PDE12: variants seen among roughly 807,000 people sequenced by gnomAD.
PDE12 encodes 2',5'-phosphodiesterase 12.
PDE12 carries 26 observed loss-of-function variants against 45.4 expected under a neutral mutation model. That is an observed-to-expected ratio of 0.57 (90% CI 0.42 to 0.79). The LOEUF is 0.79. PDE12 is among the 30% of genes least tolerant of loss of function. The pLI is 0.00. For synonymous variants in PDE12, 283 were observed against 323.9 expected, an observed-to-expected ratio of 0.87 and a Z score of 1.36; for missense variants, 668 against 790.0, an observed-to-expected ratio of 0.85 and a Z score of 1.85.
At chr3:57,593,455 T>G in the PDE12 span, among the ~76,000 whole-genome samples, 1 of 152,126 alleles carries the variant, frequency 6.6e-6, no homozygotes, top group East Asian at 1.9e-4. Flanking sequence ...GTGACAAATA[T>G]AGGATCCTTT....
At position 57,559,778 on chromosome 3, in the gene PDE12, C is replaced by T; in HGVS notation, c.1604C>T (p.Thr535Ile). 1 of 1,614,194 alleles carries T rather than the reference C, an allele frequency of 6.2e-7. No individual in the cohort carries two copies. The highest frequency in any genetic ancestry group is 8.5e-7 in the Non-Finnish European group (1 of 1,180,040). Residue 535 changes from threonine (T) to isoleucine (I), a missense_variant, in exon 3 of 3, where the codon ACA becomes ATA. Around this residue, in one of 3 missense-constraint regions of PDE12, gnomAD observed 79 missense variants for 97.9 expected, o/e 0.81. Coordinates refer to ENST00000311180, the MANE Select transcript of PDE12 (RefSeq NM_177966.7). ...GAGGAAAGATGCAATATGTCTCTTA[C>T]ACATTTCTTCAAGCTGAAAAGTGCT... ...GEEERCNMSL[T>I]HFFKLKSACG... is the part of the protein sequence containing the mutation.
At chr3:57,595,360 C>G in the PDE12 span, among the ~76,000 whole-genome samples, 1 of 152,210 alleles carries the variant, frequency 6.6e-6, no homozygotes, top group African/African-American at 2.4e-5. Context: ...TCATTTATCA[C>G]AGTCCGAAGT....
the PDE12 span, among the ~76,000 whole-genome samples, chr3:57,637,993 G>T: frequency 3.3e-5 from 5 of 151,758 alleles, no homozygotes; most frequent in Non-Finnish European, 2.9e-5. Flanking sequence ...AATCAGCTGA[G>T]TGTGGTGGCG....
chr3:57,620,777 T>C, the PDE12 span, among the ~76,000 whole-genome samples: 1 of 152,282 alleles, frequency 6.6e-6, no homozygotes. Flanking sequence ...TGACAGAAGA[T>C]ATGAAAGACA....
the PDE12 span, among the ~76,000 whole-genome samples, chr3:57,593,204 CT>C: frequency 6.6e-6 from 1 of 151,932 alleles, no homozygotes; most frequent in African/African-American, 2.4e-5. Flanking sequence ...GAGCAAAACC[CT>C]GTCTCAAAAA....
the PDE12 span, among the ~76,000 whole-genome samples, chr3:57,603,236 C>T: frequency 9.2e-5 from 14 of 152,258 alleles, no homozygotes; most frequent in African/African-American, 3.1e-4. Context: ...GACTATTTAC[C>T]AGGTACCACT....
intron 1 of PDE12, 116 bp downstream of exon 1, chr3:57,557,803 G>A: frequency 1.1e-6 from 1 of 929,574 alleles, no homozygotes; most frequent in Non-Finnish European, 1.6e-6. Context: ...GTTGAAAGGT[G>A]TGTTTGCCCT....
chr3:57,614,537 G>GTTTTGTTTTT, the PDE12 span, among the ~76,000 whole-genome samples: 4 of 95,058 alleles, frequency 4.2e-5, no homozygotes, highest in Non-Finnish European at 6.7e-5. Flanking sequence ...TTTTTTTTTT[G>GTTTTGTTTTT]TTTTTTGTTT....
the PDE12 span, chr3:57,641,840 A>G: frequency 7.9e-6 from 8 of 1,013,460 alleles, no homozygotes; most frequent in Non-Finnish European, 1.2e-5. Context: ...TTCAATGAAC[A>G]ATACACAGAT....
intron 1 of PDE12, 89 bp downstream of exon 1, chr3:57,557,776 G>C: frequency 8.6e-7 from 1 of 1,156,970 alleles, no homozygotes; most frequent in Middle Eastern, 2.0e-4. Context: ...AAAGTGCGAT[G>C]AAAGTATCCA....
chr3:57,601,743 C>CTTTTTTT, the PDE12 span, among the ~76,000 whole-genome samples: 1 of 103,728 alleles, frequency 9.6e-6, no homozygotes, highest in African/African-American at 3.5e-5. Context: ...TTCTTTCCTT[C>CTTTTTTT]TTTTTTTTTT....
At chr3:57,614,539 T>G in the PDE12 span, among the ~76,000 whole-genome samples, 1 of 118,048 alleles carries the variant, frequency 8.5e-6, no homozygotes, top group Non-Finnish European at 1.7e-5. Flanking sequence ...TTTTTTTTGT[T>G]TTTTGTTTTT....
At chr3:57,642,784 T>C in the PDE12 span, among the ~76,000 whole-genome samples, 1 of 151,986 alleles carries the variant, frequency 6.6e-6, no homozygotes, top group African/African-American at 2.4e-5. Context: ...GGTGGGCAGA[T>C]CACCTGAGGT....
At chr3:57,597,766 C>T in the PDE12 span, 1 of 152,662 alleles carries the variant, frequency 6.6e-6, no homozygotes, top group African/African-American at 2.4e-5. Context: ...AGGAACCTCG[C>T]CCTCTTCTAT....
At chr3:57,651,394 G>A in the PDE12 span, among the ~76,000 whole-genome samples, 2 of 152,236 alleles carry the variant, frequency 1.3e-5, no homozygotes, top group African/African-American at 4.8e-5. Flanking sequence ...ATTATTCTGG[G>A]TGAAGGAAGA....
At chr3:57,624,835 G>T in the PDE12 span, among the ~76,000 whole-genome samples, 1 of 152,036 alleles carries the variant, frequency 6.6e-6, no homozygotes, top group Non-Finnish European at 1.5e-5. Context: ...AAAATAATTG[G>T]GAGATTTGGG....
the PDE12 span, among the ~76,000 whole-genome samples, chr3:57,583,684 A>G: frequency 6.6e-6 from 1 of 152,156 alleles, no homozygotes; most frequent in African/African-American, 2.4e-5. Context: ...CCCATCTTCC[A>G]AACACTTACC....
chr3:57,630,497 T>C, the PDE12 span: 7 of 1,591,064 alleles, frequency 4.4e-6, no homozygotes, highest in South Asian at 1.2e-5. Flanking sequence ...AAACCAGCCA[T>C]CAAAATTTGG....
At chr3:57,631,695 C>G in the PDE12 span, among the ~76,000 whole-genome samples, 2 of 146,852 alleles carry the variant, frequency 1.4e-5, no homozygotes, top group South Asian at 2.2e-4. Context: ...ATGAGGTCTA[C>G]TTGACTTTGG....
Sources: allele counts gnomAD v4.1 joint callset (sites outside exome capture counted in the v4.1 genomes callset), GRCh38; gene constraint gnomAD v4.1.1; regional missense constraint gnomAD v4.1.1; transcripts MANE v1.5; gene names NCBI Gene and HGNC (gene_info 2026-07-23, HGNC 2026-07-21).